BRCC3: variants seen among roughly 807,000 people sequenced by gnomAD.
The protein encoded by BRCC3 is lys-63-specific deubiquitinase BRCC36.
Under a neutral mutation model 28.0 loss-of-function variants are expected in BRCC3, and 15 were observed. The observed-to-expected ratio is 0.54, with a 90% CI of 0.36 to 0.82. The LOEUF (loss-of-function observed/expected upper bound fraction) is 0.82, where lower values mean the gene tolerates loss of function less well. BRCC3 is among the 40% of genes least tolerant of loss of function. The pLI is 0.01. For synonymous variants in BRCC3, 66 were observed against 80.3 expected, an observed-to-expected ratio of 0.82 and a Z score of 0.95; for missense variants, 109 against 225.9, an observed-to-expected ratio of 0.48 and a Z score of 3.32.
chrX:155,116,334 T>A, intron 8 of BRCC3, 146 bp downstream of exon 8: 1 of 519,695 alleles, frequency 1.9e-6, no homozygotes, highest in Non-Finnish European at 3.0e-6. Context: ...CCAATCATAA[T>A]GTTTCTCACG....
chrX:155,114,318 AC>A (rs1405292176), intron 7 of BRCC3, among the ~76,000 whole-genome samples: 1 of 111,283 alleles, frequency 9.0e-6, no homozygotes, highest in Admixed American at 9.6e-5. Context: ...GCATGAAAGA[AC>A]CCTGAGAATA....
chrX:155,084,887 T>C (rs781865436), intron 5 of BRCC3, among the ~76,000 whole-genome samples: 13 of 111,626 alleles, frequency 1.2e-4, no homozygotes, highest in Non-Finnish European at 2.5e-4. Context: ...GGAGGAACCC[T>C]TGAGCTCAGG....
intron 7 of BRCC3, chrX:155,099,327 T>G: frequency 8.3e-7 from 1 of 1,209,806 alleles, no homozygotes; most frequent in Non-Finnish European, 1.1e-6. Flanking sequence ...CCCTTCATGG[T>G]CCACGAGACT....
intron 7 of BRCC3, among the ~76,000 whole-genome samples, chrX:155,112,282 G>T (rs148288508): frequency 9.0e-6 from 1 of 111,410 alleles, no homozygotes; most frequent in South Asian, 3.7e-4. Flanking sequence ...CTGCAATACC[G>T]TGACAGTCAA....
chrX:155,091,069 C>T (rs938675140), intron 7 of BRCC3, among the ~76,000 whole-genome samples: 20 of 111,662 alleles, frequency 1.8e-4, no homozygotes, highest in African/African-American at 6.5e-4. Flanking sequence ...ATTACATCAC[C>T]ACAGTCCTGC....
intron 3 of BRCC3, among the ~76,000 whole-genome samples, chrX:155,074,041 A>G (rs1434411973): frequency 6.3e-5 from 7 of 111,703 alleles, no homozygotes; most frequent in Admixed American, 3.8e-4. Flanking sequence ...CCACACCTTC[A>G]TCTACTTATT....
At chrX:155,102,694 T>C (rs781851461) in intron 7 of BRCC3, among the ~76,000 whole-genome samples, 1 of 112,567 alleles carries the variant, frequency 8.9e-6, no homozygotes, top group Non-Finnish European at 1.9e-5. Context: ...CTTTCACCAT[T>C]AAGTATGATG....
Position 155,097,218 on chromosome X carries a change from A to G in BRCC3, c.548+6379A>G, listed in dbSNP as rs966895220. 4.5e-5 allele frequency among the ~76,000 whole-genome samples: 5 copies of G among 111,962 alleles called. No individual in the cohort carries two copies. In the South Asian group the frequency reaches 1.5e-3, roughly 33 times the overall value. On this transcript the variant is annotated intron_variant, in intron 7 of 10. Coordinates refer to ENST00000330045, the MANE Select transcript of BRCC3 (RefSeq NM_001018055.3). ...ACTGAACAAAATGAGAAGGCAACCTACAGAAGGGGAGAAAAATATTTGCAA... is the reference window on the plus strand; with the variant it reads ...ACTGAACAAAATGAGAAGGCAACCTGCAGAAGGGGAGAAAAATATTTGCAA...
chrX:155,073,470 T>C (rs782757585), intron 3 of BRCC3, 39 bp downstream of exon 3: 1 of 1,156,711 alleles, frequency 8.6e-7, no homozygotes, highest in South Asian at 1.9e-5. Flanking sequence ...AAACTTGCAG[T>C]TGGGGAAAGA....
At chrX:155,105,280 C>T (rs1267867939) in intron 7 of BRCC3, among the ~76,000 whole-genome samples, 1 of 111,159 alleles carries the variant, frequency 9.0e-6, no homozygotes, top group Non-Finnish European at 1.9e-5. Context: ...GTCAGGAGTT[C>T]GAGAACAGCC....
chrX:155,074,499 G>A (rs781850562), intron 3 of BRCC3, among the ~76,000 whole-genome samples: 2 of 111,112 alleles, frequency 1.8e-5, no homozygotes, highest in South Asian at 3.8e-4. Context: ...CTTTATTCCT[G>A]TTTCCCCCTT....
intron 9 of BRCC3, 74 bp downstream of exon 9, chrX:155,116,828 T>C: frequency 1.2e-6 from 1 of 824,569 alleles, no homozygotes; most frequent in Non-Finnish European, 1.8e-6. Context: ...CAGATGCAAA[T>C]TTAGTTTAAG....
chrX:155,111,369 T>G (rs2074320672), intron 7 of BRCC3, among the ~76,000 whole-genome samples: 1 of 111,636 alleles, frequency 9.0e-6, no homozygotes, highest in Non-Finnish European at 1.9e-5. Flanking sequence ...GGACAGAGTT[T>G]CAGAGAACTG....
intron 5 of BRCC3, 48 bp from the exon 6 acceptor site, chrX:155,089,213 TGA>T (rs1557295300): frequency 1.2e-6 from 1 of 847,960 alleles, no homozygotes; most frequent in South Asian, 2.3e-5. Flanking sequence ...CAATAAGCTG[TGA>T]GACACAGCTT....
intron 5 of BRCC3, chrX:155,078,919 G>A (rs782230824): frequency 5.1e-4 from 174 of 341,048 alleles, no homozygotes; most frequent in South Asian, 1.3e-3. Context: ...AAATTAAACT[G>A]TTAACTGAAA....
chrX:155,097,852 T>A (rs1007187234), intron 7 of BRCC3, among the ~76,000 whole-genome samples: 2 of 111,748 alleles, frequency 1.8e-5, no homozygotes, highest in African/African-American at 3.3e-5. Flanking sequence ...AAAAATTAGC[T>A]GGGCGTGGTG....
chrX:155,076,640 C>T (rs1412367172), intron 3 of BRCC3, among the ~76,000 whole-genome samples: 1 of 110,968 alleles, frequency 9.0e-6, no homozygotes, highest in South Asian at 3.8e-4. Flanking sequence ...ATGAGAACAG[C>T]GTAGGGGAAA....
intron 9 of BRCC3, among the ~76,000 whole-genome samples, chrX:155,119,017 G>GTGAT (rs2074374078): frequency 9.0e-6 from 1 of 111,690 alleles, no homozygotes; most frequent in Non-Finnish European, 1.9e-5. Context: ...CTCTAGGAAG[G>GTGAT]TGATAGCCTA....
At chrX:155,097,117 C>T (rs782377115) in intron 7 of BRCC3, among the ~76,000 whole-genome samples, 1 of 111,775 alleles carries the variant, frequency 8.9e-6, no homozygotes, top group South Asian at 3.7e-4. Flanking sequence ...GAATACGACT[C>T]CAAAAGCACA....
Sources: gnomAD v4.1 joint callset for allele counts (sites outside exome capture counted in the v4.1 genomes callset) on GRCh38, gnomAD v4.1.1 for gene constraint, MANE v1.5 for transcripts, NCBI Gene and HGNC (gene_info 2026-07-23, HGNC 2026-07-21) for gene names.